TNRC6A: variants seen among roughly 807,000 people sequenced by gnomAD.
TNRC6A encodes trinucleotide repeat containing adaptor 6A, also known as trinucleotide repeat-containing gene 6A protein.
A neutral mutation model predicts 221.2 loss-of-function variants in TNRC6A; 44 were observed. That is an observed-to-expected ratio of 0.20 (90% CI 0.16 to 0.26). The LOEUF is 0.26. Ranked by LOEUF, TNRC6A falls within the 10% of genes least tolerant of loss-of-function variation. The probability of loss-of-function intolerance (pLI) is 1.00; values close to 1 mark genes in which losing one functional copy is unlikely to be tolerated. For synonymous variants in TNRC6A, 847 were observed against 838.5 expected (o/e 1.01, Z -0.18); for missense variants, 2,199 against 2,404.4 (o/e 0.91, Z 1.79).
rs71156430 is a variant in TNRC6A at position 24,648,274 on chromosome 16, C to CTTTTTTTTTTTTTTTTTTTTT, written n.402+7280_402+7281insTTTTTTTTTTTTTTTTTTTTT. 3.0e-4 allele frequency among the ~76,000 whole-genome samples: 29 copies of CTTTTTTTTTTTTTTTTTTTTT among 97,860 alleles called. 3 individuals are homozygous for CTTTTTTTTTTTTTTTTTTTTT. Among genetic ancestry groups the CTTTTTTTTTTTTTTTTTTTTT allele is most frequent in the Middle Eastern group, 7.6e-3 (1 of 132 alleles). The allele number at this position is 97,860 out of a possible 152,430, so 64.2% of individuals were successfully genotyped here. ...GCAATTGTACCACTTTCCACAGCAA[C>CTTTTTTTTTTTTTTTTTTTTT]TTTTTTTTTTTTTTTGAGATGGAGT... is the stretch of plus-strand genomic sequence containing the variant. On this transcript the variant is annotated intron_variant and non_coding_transcript_variant, in intron 2 of 2. Coordinates refer to the TNRC6A transcript ENST00000566108.
At position 24,729,687 on chromosome 16, in the gene TNRC6A, G is replaced by GCGGCGGTGT. The variant is rs1555495649; in HGVS notation, c.-149_-148insTGTCGGCGG. The GCGGCGGTGT allele has an allele frequency of 9.8e-5, 26 of 266,544 alleles. No homozygotes were observed. The highest frequency in any genetic ancestry group is 8.5e-4 in the South Asian group (7 of 8,222). 16.5% of individuals were successfully genotyped at this position (266,544 alleles called of 1,614,324 possible). ...GGGGCCTGCGGCGGCGGCGGTGTCG[G>GCGGCGGTGT]CGGCGGCGGCGGCGGCGGCGGCGGC... On this transcript the variant is annotated 5_prime_UTR_variant, in exon 1 of 25. Transcript: ENST00000395799.
intron 2 of TNRC6A, among the ~76,000 whole-genome samples, chr16:24,660,728 C>CTTTT (rs138458968): frequency 3.3e-5 from 4 of 122,538 alleles, no homozygotes; most frequent in Non-Finnish European, 3.3e-5. Context: ...TTTCTTTTTT[C>CTTTT]TTTTTTTTTT....
intron 2 of TNRC6A, among the ~76,000 whole-genome samples, chr16:24,648,274 C>CTTTTTT (rs71156430): frequency 2.0e-5 from 2 of 97,890 alleles, no homozygotes; most frequent in African/African-American, 4.7e-5. Flanking sequence ...TCCACAGCAA[C>CTTTTTT]TTTTTTTTTT....
chr16:24,669,941 CTTTTTTTTTTTTTTT>C (rs535737725), intron 2 of TNRC6A, among the ~76,000 whole-genome samples: 1 of 27,162 alleles, frequency 3.7e-5, no homozygotes, highest in African/African-American at 1.4e-4. Flanking sequence ...GAGGCAGCTA[CTTTTTTTTTTTTTTT>C]TTTTTTTTTT....
chr16:24,783,421 G>A (rs1348648441), intron 5 of TNRC6A, among the ~76,000 whole-genome samples: 1 of 152,120 alleles, frequency 6.6e-6, no homozygotes, highest in African/African-American at 2.4e-5. Flanking sequence ...GAGCCACTGC[G>A]CCCAGCTGAT....
chr16:24,787,658 CAG>C (rs1468826121), intron 5 of TNRC6A, among the ~76,000 whole-genome samples: 1 of 152,124 alleles, frequency 6.6e-6, no homozygotes. Context: ...GATTCTTAAA[CAG>C]GGAGTGGAAA....
intron 2 of TNRC6A, among the ~76,000 whole-genome samples, chr16:24,737,194 T>C (rs762476202): frequency 8.3e-4 from 127 of 152,206 alleles, no homozygotes; most frequent in Non-Finnish European, 6.8e-4. Context: ...AAAGCAGATA[T>C]GGTCTTTAGT....
Position 24,794,736 on chromosome 16 carries a change from C to CA in TNRC6A, c.3528+20dup. On this transcript the variant is annotated intron_variant, in intron 8 of 24. Transcript: ENST00000395799. The stretch of plus-strand genomic sequence containing the variant: ...TCATCGAAGGTAAACATTTCAAGGG[C>CA]AAAGCCCTTGAAACTTTAAATTCCA... 1 of 1,584,852 alleles carries CA rather than the reference C, an allele frequency of 6.3e-7. No individual in the cohort carries two copies. The highest frequency in any genetic ancestry group is 2.2e-5 in the East Asian group (1 of 44,600).
rs1044034737 is a variant in TNRC6A at position 24,805,437 on chromosome 16, C to T, written c.4123-168C>T. On this transcript the variant is annotated intron_variant, in intron 14 of 24. Transcript: ENST00000395799. The stretch of plus-strand genomic sequence containing the variant: ...CCTCTGTCATCTTTTACTTAACCCA[C>T]GAAAAAGTGTAAGTGAGTGGTCAGT... 1.1e-5 allele frequency: 12 copies of T among 1,047,644 alleles called. No homozygotes were observed. In the East Asian group the frequency reaches 2.0e-4, roughly 18 times the overall value. The allele number at this position is 1,047,644 out of a possible 1,614,324, so 64.9% of individuals were successfully genotyped here.
chr16:24,610,556 A>AC (rs1255860173), intron 1 of TNRC6A: 2 of 152,188 alleles, frequency 1.3e-5, no homozygotes, highest in East Asian at 1.9e-4. Flanking sequence ...TGCGCAGGGC[A>AC]CCCTCGCTGG....
At chr16:24,802,215 C>T (rs1182445353) in intron 11 of TNRC6A, among the ~76,000 whole-genome samples, 1 of 152,036 alleles carries the variant, frequency 6.6e-6, no homozygotes. Context: ...ATTGAGAAAA[C>T]GTCAAGAATG....
chr16:24,719,682 A>AT (rs1054374819), intron 2 of TNRC6A, among the ~76,000 whole-genome samples: 1 of 151,794 alleles, frequency 6.6e-6, no homozygotes, highest in African/African-American at 2.4e-5. Flanking sequence ...AAATAAAAAA[A>AT]AAATAAAAAT....
intron 1 of TNRC6A, 43 bp from the exon 2 acceptor site, chr16:24,730,210 T>C: frequency 6.8e-7 from 1 of 1,474,316 alleles, no homozygotes; most frequent in Non-Finnish European, 9.1e-7. Flanking sequence ...CGTTTTTGTG[T>C]GTGTGTTTTT....
At chr16:24,634,112 C>T (rs931098392) in intron 1 of TNRC6A, among the ~76,000 whole-genome samples, 2 of 152,134 alleles carry the variant, frequency 1.3e-5, no homozygotes, top group East Asian at 3.8e-4. Context: ...TGTATATGCC[C>T]AGTGCCTAAA....
chr16:24,631,954 G>A (rs1901364029), intron 1 of TNRC6A, among the ~76,000 whole-genome samples: 1 of 151,782 alleles, frequency 6.6e-6, no homozygotes, highest in Non-Finnish European at 1.5e-5. Flanking sequence ...AGCCTCCTGG[G>A]CTCAAGGGAT....
intron 3 of TNRC6A, among the ~76,000 whole-genome samples, chr16:24,756,488 C>T (rs140878374): frequency 9.7e-4 from 147 of 152,244 alleles, no homozygotes; most frequent in African/African-American, 3.2e-3. Flanking sequence ...ACATTAAATC[C>T]GATTCTTAGG....
At chr16:24,642,951 G>A (rs1239151683) in intron 2 of TNRC6A, among the ~76,000 whole-genome samples, 1 of 150,892 alleles carries the variant, frequency 6.6e-6, no homozygotes, top group Non-Finnish European at 1.5e-5. Flanking sequence ...GATTGAGGTG[G>A]AAGGATGGCT....
At chr16:24,707,444 A>G (rs66587448) in intron 2 of TNRC6A, among the ~76,000 whole-genome samples, 38,974 of 151,918 alleles carry the variant, frequency 0.26, 8,292 homozygotes, top group East Asian at 0.72. Flanking sequence ...AGAAAAAATT[A>G]GCTACATAAA....
At chr16:24,736,867 A>G (rs937222960) in intron 2 of TNRC6A, among the ~76,000 whole-genome samples, 4 of 152,236 alleles carry the variant, frequency 2.6e-5, no homozygotes, top group Non-Finnish European at 5.9e-5. Flanking sequence ...ATTTAAATCG[A>G]TCAGCCATAA....
Sources: gnomAD v4.1 joint callset for allele counts (sites outside exome capture counted in the v4.1 genomes callset) on GRCh38, gnomAD v4.1.1 for gene constraint, MANE v1.5 for transcripts, NCBI Gene and HGNC (gene_info 2026-07-23, HGNC 2026-07-21) for gene names.